PTPDC1: variants seen among roughly 807,000 people sequenced by gnomAD.
PTPDC1 encodes the protein protein tyrosine phosphatase domain containing 1, also known as protein tyrosine phosphatase domain-containing protein 1.
A neutral mutation model predicts 75.3 loss-of-function variants in PTPDC1; 53 were observed. The observed-to-expected ratio is 0.70, with a 90% CI of 0.56 to 0.88. The LOEUF is 0.88. PTPDC1 is among the 40% of genes least tolerant of loss of function. The probability of loss-of-function intolerance (pLI) is 0.00; values close to 1 mark genes in which losing one functional copy is unlikely to be tolerated. For synonymous variants in PTPDC1, 349 were observed against 366.2 expected (o/e 0.95, Z 0.54); for missense variants, 925 against 998.6 (o/e 0.93, Z 0.99).
At chr9:94,062,034 G>A (rs1238291047) in intron 1 of PTPDC1, among the ~76,000 whole-genome samples, 2 of 152,156 alleles carry the variant, frequency 1.3e-5, no homozygotes, top group African/African-American at 4.8e-5. Context: ...TTAAATATAA[G>A]TTTTAGTTTC....
intron 1 of PTPDC1, among the ~76,000 whole-genome samples, chr9:94,059,628 G>T (rs774427692): frequency 1.3e-5 from 2 of 152,086 alleles, no homozygotes; most frequent in African/African-American, 4.8e-5. Context: ...GTTTAAAGAC[G>T]GTAGCATAAG....
At chr9:94,075,581 A>G (rs535729663) in intron 2 of PTPDC1, among the ~76,000 whole-genome samples, 2 of 152,278 alleles carry the variant, frequency 1.3e-5, no homozygotes, top group South Asian at 2.1e-4. Context: ...TTGGGGATAT[A>G]CTGGAGGCAA....
At chr9:94,061,375 G>C (rs899788293) in intron 1 of PTPDC1, among the ~76,000 whole-genome samples, 1 of 152,188 alleles carries the variant, frequency 6.6e-6, no homozygotes, top group Admixed American at 6.5e-5. Context: ...GCAAGCTGCT[G>C]GAGACTTTGT....
Position 94,097,790 on chromosome 9 carries a change from A to G in PTPDC1, c.1224A>G (p.Ala408=). Residue 408 remains alanine, a synonymous_variant, in exon 6 of 9, where the codon GCA becomes GCG. Transcript: ENST00000620992. Reference sequence around the variant, plus strand: ...CGCCTAACCCCACTGCAGTGGCAGCAGATTTTGACAATCGAGGCATGATTT... The same window carrying G: ...CGCCTAACCCCACTGCAGTGGCAGCGGATTTTGACAATCGAGGCATGATTT... ...SNPPNPTAVA[A]DFDNRGMIFS... The G allele has an allele frequency of 6.2e-7, 1 of 1,614,228 alleles. No individual in the cohort carries two copies. The highest frequency in any genetic ancestry group is 8.5e-7 in the Non-Finnish European group (1 of 1,180,044).
At chr9:94,040,284 T>A (rs937081309) in intron 1 of PTPDC1, among the ~76,000 whole-genome samples, 26 of 152,344 alleles carry the variant, frequency 1.7e-4, no homozygotes, top group African/African-American at 6.0e-4. Flanking sequence ...CTAGTCCAAG[T>A]ACTCAGTCCA....
At chr9:94,068,758 T>G (rs1462345847) in intron 2 of PTPDC1, among the ~76,000 whole-genome samples, 5 of 152,192 alleles carry the variant, frequency 3.3e-5, no homozygotes, top group Admixed American at 3.3e-4. Context: ...TGCCCAACCC[T>G]CCGATAACTG....
At chr9:94,079,276 C>G (rs1826799433) in intron 2 of PTPDC1, among the ~76,000 whole-genome samples, 1 of 150,970 alleles carries the variant, frequency 6.6e-6, no homozygotes, top group African/African-American at 2.4e-5. Flanking sequence ...ACGCAGTCAC[C>G]CTGAGAAGAC....
intron 6 of PTPDC1, 73 bp from the exon 7 acceptor site, chr9:94,101,493 G>A: frequency 8.4e-7 from 1 of 1,191,916 alleles, no homozygotes; most frequent in South Asian, 1.4e-5. Flanking sequence ...ATCATGCAGT[G>A]TCAAATGGTG....
intron 1 of PTPDC1, among the ~76,000 whole-genome samples, chr9:94,051,552 GT>G (rs1789445370): frequency 6.6e-6 from 1 of 152,144 alleles, no homozygotes; most frequent in South Asian, 2.1e-4. Context: ...TTCCTTAAAT[GT>G]TTGGTGGAAT....
chr9:94,101,779 A>T, intron 7 of PTPDC1, 28 bp downstream of exon 7: 1 of 1,405,680 alleles, frequency 7.1e-7, no homozygotes, highest in Non-Finnish European at 9.7e-7. Context: ...CCAGTTAATG[A>T]CTGTAACTGA....
chr9:94,080,205 G>A (rs1000229871), upstream of PTPDC1, among the ~76,000 whole-genome samples: 7 of 152,174 alleles, frequency 4.6e-5, no homozygotes, highest in Non-Finnish European at 2.9e-5. Flanking sequence ...ACATGGAGGA[G>A]GGAGCAGAGG....
rs759866743 is a variant in PTPDC1 at position 94,084,556 on chromosome 9, G to A, written c.26G>A (p.Arg9Gln). Residue 9 changes from arginine to glutamine, a missense_variant, in exon 1 of 9, where the codon CGG becomes CAG. By Grantham distance (43) the Arg-to-Gln change is conservative. Transcript: ENST00000620992. MQVQDATR[R>Q]PSAVRFLSSF... ...ATGCAGGTGCAGGATGCAACCAGGC[G>A]GCCCTCAGCCGTGCGCTTCCTCAGC... 1.6e-5 allele frequency: 25 copies of A among 1,612,500 alleles called. No homozygotes were observed. The highest frequency in any genetic ancestry group is 2.2e-5 in the East Asian group (1 of 44,884).
upstream of PTPDC1, among the ~76,000 whole-genome samples, chr9:94,082,355 C>G (rs981392728): frequency 3.9e-5 from 6 of 152,226 alleles, no homozygotes; most frequent in Admixed American, 3.9e-4. Context: ...GCAATGATCC[C>G]TTTCTGAAAT....
chr9:94,031,488 C>G (rs1047663073), intron 1 of PTPDC1, among the ~76,000 whole-genome samples: 8 of 151,882 alleles, frequency 5.3e-5, no homozygotes, highest in African/African-American at 1.9e-4. Flanking sequence ...GGAAGCCAAG[C>G]AAAAGACATT....
chr9:94,042,843 A>G (rs1159977143), intron 1 of PTPDC1, among the ~76,000 whole-genome samples: 1 of 152,218 alleles, frequency 6.6e-6, no homozygotes, highest in African/African-American at 2.4e-5. Flanking sequence ...TGCTTTATCA[A>G]CCAAGTTTAA....
rs1395430059 is a variant in PTPDC1, at chr9:94,097,481, C to CT, written c.916dup (p.Ser306PhefsTer4). On this transcript the variant is annotated frameshift_variant, in exon 6 of 9. Transcript: ENST00000620992. LOFTEE classifies it high-confidence loss of function. ...TTCTAACTCCTCTCCGCAATATATT[C>CT]TCTTGCTGTGATCCCAAAGCACATG... 6.2e-7 allele frequency: 1 copy of CT among 1,614,078 alleles called. No individual in the cohort carries two copies. Among genetic ancestry groups the CT allele is most frequent in the African/African-American group, 1.3e-5 (1 of 74,942 alleles).
rs1046085485 is a variant in PTPDC1 at position 94,105,691 on chromosome 9, A to G, written c.2310+1306A>G. 2.1e-5 allele frequency among the ~76,000 whole-genome samples: 3 copies of G among 141,084 alleles called. No individual in the cohort carries two copies. The Admixed American group carries it at 2.2e-4, about 10-fold the overall frequency. 92.6% of individuals were successfully genotyped at this position (141,084 alleles called of 152,430 possible). On this transcript the variant is annotated intron_variant, in intron 8 of 8. Transcript: ENST00000620992. ...CAAAAAAAAAAAAAAAAAAGTGGCC[A>G]GGCATGGTGGCTCAAGCCTGTAATC...
intron 2 of PTPDC1, among the ~76,000 whole-genome samples, chr9:94,068,415 T>C (rs1826393799): frequency 6.6e-6 from 1 of 152,134 alleles, no homozygotes; most frequent in African/African-American, 2.4e-5. Flanking sequence ...TTTTGTAACA[T>C]GTTCCTCAGT....
chr9:94,068,935 C>A (rs1297173824), intron 2 of PTPDC1, among the ~76,000 whole-genome samples: 5 of 152,112 alleles, frequency 3.3e-5, no homozygotes, highest in Non-Finnish European at 1.5e-5. Flanking sequence ...TTCAGTTTCC[C>A]CATATTTGGA....
Sources: gnomAD v4.1 joint callset for allele counts (sites outside exome capture counted in the v4.1 genomes callset) on GRCh38, gnomAD v4.1.1 for gene constraint, MANE v1.5 for transcripts, NCBI Gene and HGNC (gene_info 2026-07-23, HGNC 2026-07-21) for gene names.